The following GALNT14 variants were observed in gnomAD, a reference collection of about 807,000 sequenced individuals.
GALNT14 encodes UDP-GalNAc:polypeptide N-acetylgalactosaminyltransferase 14.
A neutral mutation model predicts 77.5 loss-of-function variants in GALNT14; 60 were observed. The ratio of observed to expected loss-of-function variants is 0.77; its 90% confidence interval spans 0.63 to 0.96. GALNT14 has a LOEUF of 0.96. GALNT14 is among the 40% of genes least tolerant of loss of function. GALNT14 has a pLI of 0.00. For missense variants in GALNT14, 710 were observed against 731.0 expected (o/e 0.97, Z 0.33); for synonymous variants, 280 against 281.7 (o/e 0.99, Z 0.06).
chr2:30,949,471 A>C (rs993693432), intron 6 of GALNT14, among the ~76,000 whole-genome samples: 3 of 152,158 alleles, frequency 2.0e-5, no homozygotes, highest in Non-Finnish European at 4.4e-5. Context: ...CTTAGGCTCA[A>C]GCAGGCAGCT....
At chr2:30,899,715 T>C in the GALNT14 span, among the ~76,000 whole-genome samples, 1 of 152,208 alleles carries the variant, frequency 6.6e-6, no homozygotes, top group Non-Finnish European at 1.5e-5. Context: ...CAATAAGCCC[T>C]GAGGTTTGCA....
At chr2:30,948,030 A>G (rs1666805231) in intron 6 of GALNT14, among the ~76,000 whole-genome samples, 1 of 152,182 alleles carries the variant, frequency 6.6e-6, no homozygotes, top group African/African-American at 2.4e-5. Context: ...GTGTCTGTGG[A>G]TATGTCAACA....
rs556432353 is a variant in GALNT14, at chr2:30,924,409, C to T, written c.1236-146G>A. On this transcript the variant is annotated intron_variant, in intron 12 of 14. Coordinates refer to ENST00000349752, the MANE Select transcript of GALNT14 (RefSeq NM_024572.4). ...CACTGCTCGGGGAAGGGCAGGGTGC[C>T]ACTAAGAATGAGGTGGCAAGGAAAG... 9.1e-5 allele frequency: 75 copies of T among 822,404 alleles called. No individual in the cohort carries two copies. The African/African-American group carries it at 1.2e-3, about 13-fold the overall frequency. 50.9% of individuals were successfully genotyped at this position (822,404 alleles called of 1,614,324 possible). A position where few individuals can be genotyped will look rare whatever the true frequency, so the allele number is the denominator to read the frequency against.
intron 1 of GALNT14, among the ~76,000 whole-genome samples, chr2:31,080,383 T>A (rs1676083437): frequency 6.6e-6 from 1 of 152,234 alleles, no homozygotes. Flanking sequence ...TTGTTGAAAT[T>A]CCAGTTCAAC....
At chr2:30,992,785 C>T (rs1669784879) in intron 2 of GALNT14, 53 bp downstream of exon 2, 1 of 1,583,116 alleles carries the variant, frequency 6.3e-7, no homozygotes, top group Admixed American at 1.7e-5. Flanking sequence ...ATCAAGCCTG[C>T]TGTTGATCTC....
chr2:31,123,059 G>A (rs1558583540), intron 1 of GALNT14, among the ~76,000 whole-genome samples: 1 of 151,670 alleles, frequency 6.6e-6, no homozygotes, highest in Non-Finnish European at 1.5e-5. Flanking sequence ...ACGGGCACCT[G>A]TAGTCCCAGC....
intron 2 of GALNT14, among the ~76,000 whole-genome samples, chr2:30,980,077 G>A (rs551199054): frequency 5.3e-5 from 8 of 152,258 alleles, no homozygotes; most frequent in African/African-American, 1.9e-4. Flanking sequence ...AGAGCCAGGA[G>A]CCAAGGCCGA....
intron 1 of GALNT14, among the ~76,000 whole-genome samples, chr2:31,027,834 G>A (rs970266693): frequency 1.3e-5 from 2 of 151,688 alleles, no homozygotes; most frequent in Admixed American, 6.6e-5. Context: ...AAAGCTTTAA[G>A]CAACAAGTGC....
intron 1 of GALNT14, among the ~76,000 whole-genome samples, chr2:31,060,245 A>G (rs1162596230): frequency 6.6e-6 from 1 of 152,116 alleles, no homozygotes; most frequent in Non-Finnish European, 1.5e-5. Flanking sequence ...ATCTATTGTG[A>G]CCATTCAGTT....
At chr2:30,924,354 T>C (rs886691153) in intron 12 of GALNT14, 91 bp from the exon 13 acceptor site, 46 of 1,359,800 alleles carry the variant, frequency 3.4e-5, no homozygotes, top group African/African-American at 3.2e-4. Context: ...GTTCTGAGAA[T>C]GGCAGGGCTG....
intron 6 of GALNT14, among the ~76,000 whole-genome samples, chr2:30,953,196 C>T (rs542744117): frequency 5.9e-5 from 9 of 152,102 alleles, no homozygotes; most frequent in East Asian, 1.9e-4. Flanking sequence ...GGCAGAAAGA[C>T]ATTTTTGGGG....
At chr2:31,114,889 C>G (rs1344550362) in intron 1 of GALNT14, 1 of 700,076 alleles carries the variant, frequency 1.4e-6, no homozygotes, top group East Asian at 2.7e-5. Context: ...AGGTAACTAA[C>G]AAAGAAAAAG....
chr2:30,948,172 G>C (rs1184985300), intron 6 of GALNT14, among the ~76,000 whole-genome samples: 1 of 152,238 alleles, frequency 6.6e-6, no homozygotes, highest in Non-Finnish European at 1.5e-5. Context: ...GAAGTTCAGA[G>C]ATATCTTCTG....
At chr2:31,128,438 A>T (rs1051077993) in intron 1 of GALNT14, among the ~76,000 whole-genome samples, 1 of 152,180 alleles carries the variant, frequency 6.6e-6, no homozygotes. Flanking sequence ...CTTGCATTTC[A>T]AATAGGATGT....
chr2:31,100,306 G>A lies in GALNT14; in HGVS notation c.129+37652C>T, dbSNP rs112319681. On this transcript the variant is annotated intron_variant, in intron 1 of 14. Transcript: ENST00000349752. ...AACCAGTTTTGTTACATGTCATTTT[G>A]CTTAAAGTTGCAGTTTCCAAGAACC... Among the ~76,000 whole-genome samples the A allele has an allele frequency of 6.7e-3, 1,021 of 152,004 alleles. 14 individuals are homozygous for A. Among genetic ancestry groups the A allele is most frequent in the African/African-American group, 0.024 (984 of 41,502 alleles).
rs551936170 is a variant in GALNT14 at position 31,024,489 on chromosome 2, G to A, written c.130-31482C>T. On this transcript the variant is annotated intron_variant, in intron 1 of 14. Transcript: ENST00000349752. ...GGTTCCTCCCCAGGCCAGCCGAGCTGCCACCTCAGGGCCTTTGCACCTGCT... is the reference window on the plus strand; with the variant it reads ...GGTTCCTCCCCAGGCCAGCCGAGCTACCACCTCAGGGCCTTTGCACCTGCT... Among the ~76,000 whole-genome samples, 40 of 152,246 alleles carry A rather than the reference G, an allele frequency of 2.6e-4. No individual in the cohort carries two copies. In the South Asian group the frequency reaches 8.1e-3, roughly 31 times the overall value.
At chr2:30,899,815 G>A in the GALNT14 span, among the ~76,000 whole-genome samples, 1 of 152,234 alleles carries the variant, frequency 6.6e-6, no homozygotes, top group Non-Finnish European at 1.5e-5. Context: ...TGGGCCGCCA[G>A]AGTCCACAGA....
chr2:31,094,870 T>C (rs1373544044), intron 1 of GALNT14, among the ~76,000 whole-genome samples: 1 of 152,098 alleles, frequency 6.6e-6, no homozygotes, highest in African/African-American at 2.4e-5. Flanking sequence ...GCAAGTCATC[T>C]CCCTTCCCTG....
At chr2:30,895,482 C>T in the GALNT14 span, among the ~76,000 whole-genome samples, 4 of 152,140 alleles carry the variant, frequency 2.6e-5, no homozygotes, top group Non-Finnish European at 5.9e-5. Flanking sequence ...CAGAGTTCCC[C>T]CTTCCTTTAG....
Sources: allele counts gnomAD v4.1 joint callset (sites outside exome capture counted in the v4.1 genomes callset), GRCh38; gene constraint gnomAD v4.1.1; transcripts MANE v1.5; gene names NCBI Gene and HGNC (gene_info 2026-07-23, HGNC 2026-07-21).